PXDNL: variants seen among roughly 807,000 people sequenced by gnomAD.
The protein encoded by PXDNL is peroxidasin like.
A neutral mutation model predicts 150.8 loss-of-function variants in PXDNL; 145 were observed. The observed-to-expected ratio is 0.96, with a 90% confidence interval of 0.84 to 1.10. PXDNL has a LOEUF of 1.10. Among genes scored for constraint, PXDNL ranks in the 50% least tolerant of loss-of-function variants. The pLI, the probability that PXDNL is intolerant of heterozygous loss-of-function variation, is 0.00. For synonymous variants in PXDNL, 757 were observed against 725.7 expected (o/e 1.04, Z -0.69); for missense variants, 2,087 against 1,873.9 (o/e 1.11, Z -2.10).
intron 17 of PXDNL, among the ~76,000 whole-genome samples, chr8:51,379,424 CTAAT>C (rs550171306): frequency 1.1e-3 from 160 of 152,134 alleles, no homozygotes; most frequent in African/African-American, 3.5e-3. Flanking sequence ...CTGGATCTTC[CTAAT>C]TAATTATACA....
intron 4 of PXDNL, among the ~76,000 whole-genome samples, chr8:51,535,852 C>T (rs1006964915): frequency 2.0e-5 from 3 of 152,166 alleles, no homozygotes; most frequent in African/African-American, 7.2e-5. Flanking sequence ...ATTCCTTAGT[C>T]CTTATAGAAT....
intron 1 of PXDNL, among the ~76,000 whole-genome samples, chr8:51,788,201 C>A (rs940059802): frequency 2.0e-5 from 3 of 152,184 alleles, no homozygotes; most frequent in African/African-American, 7.2e-5. Flanking sequence ...TGGGACTAAA[C>A]CTGCAATATC....
At chr8:51,570,214 G>A (rs1812904894) in intron 3 of PXDNL, among the ~76,000 whole-genome samples, 1 of 151,958 alleles carries the variant, frequency 6.6e-6, no homozygotes. Flanking sequence ...GAAGAGTCTG[G>A]CAGAGAAGTG....
chr8:51,574,776 A>C (rs1203341018), intron 3 of PXDNL, among the ~76,000 whole-genome samples: 1 of 152,108 alleles, frequency 6.6e-6, no homozygotes, highest in Non-Finnish European at 1.5e-5. Context: ...GGTGAAAGGA[A>C]AGATTTGTCA....
intron 1 of PXDNL, among the ~76,000 whole-genome samples, chr8:51,784,315 A>T (rs1335229027): frequency 1.3e-5 from 2 of 152,256 alleles, no homozygotes; most frequent in Non-Finnish European, 2.9e-5. Flanking sequence ...ATATTTTATC[A>T]GTCAAAACTA....
chr8:51,663,040 G>T (rs1815307938), intron 1 of PXDNL, among the ~76,000 whole-genome samples: 1 of 152,160 alleles, frequency 6.6e-6, no homozygotes, highest in Non-Finnish European at 1.5e-5. Flanking sequence ...GAACAGGAAG[G>T]CACTCACATA....
intron 1 of PXDNL, among the ~76,000 whole-genome samples, chr8:51,656,577 C>T (rs1055427778): frequency 6.6e-6 from 1 of 152,066 alleles, no homozygotes; most frequent in African/African-American, 2.4e-5. Context: ...AACAATAATC[C>T]TAATAATTCT....
At chr8:51,641,869 G>A (rs1257373965) in intron 2 of PXDNL, among the ~76,000 whole-genome samples, 4 of 152,038 alleles carry the variant, frequency 2.6e-5, no homozygotes, top group African/African-American at 9.7e-5. Flanking sequence ...TATACCAAAA[G>A]GACTATAAAT....
At chr8:51,499,128 ATGTT>A (rs1018510679) in intron 5 of PXDNL, among the ~76,000 whole-genome samples, 1 of 151,874 alleles carries the variant, frequency 6.6e-6, no homozygotes, top group Admixed American at 6.6e-5. Context: ...CTGTAAGGTT[ATGTT>A]TGTTTGTTTG....
Position 51,453,782 on chromosome 8 carries a change from T to A in PXDNL, c.986A>T (p.Lys329Ile). Residue 329 changes from lysine to isoleucine, a missense_variant, in exon 10 of 23, where the codon AAA (lysine) becomes ATA (isoleucine). Lys to Ile is a moderately radical substitution (Grantham distance 102). Coordinates refer to ENST00000356297, the MANE Select transcript of PXDNL (RefSeq NM_144651.5). ...AMLRYSSLPAKPSFVIQPQDT... is the reference protein window; with the variant it reads ...AMLRYSSLPAIPSFVIQPQDT... ...CTGAGGCTGGATTACAAAGCTTGGT[T>A]TGGCTGATGGTAAAGGGGGAACAAA... The A allele has an allele frequency of 6.2e-7, 1 of 1,613,740 alleles. No homozygotes were observed. Among genetic ancestry groups the A allele is most frequent in the Non-Finnish European group, 8.5e-7 (1 of 1,179,762 alleles).
At chr8:51,417,889 T>G (rs1808838782) in intron 14 of PXDNL, among the ~76,000 whole-genome samples, 1 of 152,182 alleles carries the variant, frequency 6.6e-6, no homozygotes, top group Admixed American at 6.5e-5. Flanking sequence ...CCTGGAGAGC[T>G]CCACTGTTTT....
At chr8:51,552,963 C>T (rs1484033167) in intron 4 of PXDNL, among the ~76,000 whole-genome samples, 5 of 152,228 alleles carry the variant, frequency 3.3e-5, no homozygotes, top group Non-Finnish European at 7.3e-5. Context: ...CAGTTATGTG[C>T]TTCCAAAATG....
chr8:51,637,808 A>G (rs1052561313), intron 2 of PXDNL, among the ~76,000 whole-genome samples: 1 of 152,188 alleles, frequency 6.6e-6, no homozygotes, highest in Admixed American at 6.5e-5. Flanking sequence ...CTTCCCCAAC[A>G]TAGCAAGGCA....
chr8:51,325,690 G>A (rs373306572), intron 21 of PXDNL, among the ~76,000 whole-genome samples: 268 of 152,234 alleles, frequency 1.8e-3, no homozygotes, highest in Middle Eastern at 6.8e-3. Flanking sequence ...GGGTTAGGAC[G>A]GAAGCCCAGG....
At chr8:51,400,285 GC>G (rs1808208015) in intron 17 of PXDNL, among the ~76,000 whole-genome samples, 1 of 152,146 alleles carries the variant, frequency 6.6e-6, no homozygotes, top group Non-Finnish European at 1.5e-5. Flanking sequence ...CCTTGAGGAT[GC>G]TTTTGTGCAC....
At chr8:51,574,157 C>T (rs770757123) in intron 3 of PXDNL, among the ~76,000 whole-genome samples, 12 of 151,776 alleles carry the variant, frequency 7.9e-5, no homozygotes, top group Non-Finnish European at 1.5e-4. Context: ...CCTCAGGAAA[C>T]AATCACAAAC....
chr8:51,533,908 C>T (rs1811976914), intron 4 of PXDNL, among the ~76,000 whole-genome samples: 2 of 151,190 alleles, frequency 1.3e-5, no homozygotes, highest in African/African-American at 4.9e-5. Flanking sequence ...AGCCGCCACC[C>T]CGTCTGGGAA....
At chr8:51,401,086 A>T (rs977054378) in intron 17 of PXDNL, among the ~76,000 whole-genome samples, 39 of 152,178 alleles carry the variant, frequency 2.6e-4, no homozygotes, top group African/African-American at 9.4e-4. Flanking sequence ...TTTATTTGCA[A>T]CCAAGGAGTA....
chr8:51,372,613 G>A (rs207469161), intron 18 of PXDNL, among the ~76,000 whole-genome samples: 3 of 152,112 alleles, frequency 2.0e-5, no homozygotes, highest in Non-Finnish European at 4.4e-5. Context: ...TTGAACTCCT[G>A]GCCTCAAGTG....
Sources: allele counts gnomAD v4.1 joint callset (sites outside exome capture counted in the v4.1 genomes callset), GRCh38; gene constraint gnomAD v4.1.1; transcripts MANE v1.5; gene names NCBI Gene and HGNC (gene_info 2026-07-23, HGNC 2026-07-21).